SLC35F1: variants seen among roughly 807,000 people sequenced by gnomAD.
SLC35F1 encodes solute carrier family 35 member F1, also known as chromosome 6 open reading frame 169.
Under a neutral mutation model 48.7 loss-of-function variants are expected in SLC35F1, and 14 were observed. The ratio of observed to expected loss-of-function variants is 0.29; its 90% CI spans 0.19 to 0.45. The LOEUF is 0.45. Among genes scored for constraint, SLC35F1 ranks in the 20% least tolerant of loss-of-function variants. SLC35F1 has a pLI of 1.00. For synonymous variants in SLC35F1, 190 were observed against 202.2 expected, an observed-to-expected ratio of 0.94 and a Z score of 0.51; for missense variants, 404 against 500.0, an observed-to-expected ratio of 0.81 and a Z score of 1.83.
At chr6:118,180,478 G>A (rs1774558716) in intron 2 of SLC35F1, among the ~76,000 whole-genome samples, 1 of 151,766 alleles carries the variant, frequency 6.6e-6, no homozygotes, top group South Asian at 2.1e-4. Context: ...TGTATGACAC[G>A]GGAGAAAGAG....
At chr6:118,008,782 A>G (rs1777207522) in intron 1 of SLC35F1, among the ~76,000 whole-genome samples, 1 of 152,352 alleles carries the variant, frequency 6.6e-6, no homozygotes, top group Non-Finnish European at 1.5e-5. Context: ...TTAAAAGTCT[A>G]TCCATTGCTT....
chr6:117,917,399 T>A (rs1775840228), intron 1 of SLC35F1, among the ~76,000 whole-genome samples: 1 of 151,656 alleles, frequency 6.6e-6, no homozygotes, highest in African/African-American at 2.4e-5. Flanking sequence ...GAGAATGGAT[T>A]GCGGGAGAAG....
At chr6:118,199,447 T>C (rs1774844466) in intron 2 of SLC35F1, among the ~76,000 whole-genome samples, 1 of 152,262 alleles carries the variant, frequency 6.6e-6, no homozygotes, top group Non-Finnish European at 1.5e-5. Flanking sequence ...TTCTGTTATA[T>C]GAACGTGTCA....
At chr6:118,037,985 A>G (rs1309207496) in intron 1 of SLC35F1, among the ~76,000 whole-genome samples, 1 of 152,160 alleles carries the variant, frequency 6.6e-6, no homozygotes. Flanking sequence ...ATGTACACCT[A>G]TGTAACAAAC....
chr6:118,159,443 G>A (rs536697240), intron 2 of SLC35F1, among the ~76,000 whole-genome samples: 4 of 152,208 alleles, frequency 2.6e-5, no homozygotes, highest in African/African-American at 9.6e-5. Context: ...CTGAAATAAA[G>A]CCTGAAATCC....
rs1394213675 is a variant in SLC35F1, at chr6:118,216,473, A to AAAAAAG, written c.350-19032_350-19031insAGAAAA. Among the ~76,000 whole-genome samples, 84 of 151,528 alleles carry AAAAAAG rather than the reference A, an allele frequency of 5.5e-4. No homozygotes were observed. The South Asian group carries it at 0.014, about 25-fold the overall frequency. On this transcript the variant is annotated intron_variant, in intron 2 of 7. Transcript: ENST00000360388. The stretch of plus-strand genomic sequence containing the variant: ...TCCCCCTACCCCCACTTCAAAAAAA[A>AAAAAAG]AAAAGAAAAGAAAAGAAAAGAAAGA...
At chr6:117,928,220 A>G (rs1385438999) in intron 1 of SLC35F1, among the ~76,000 whole-genome samples, 1 of 152,174 alleles carries the variant, frequency 6.6e-6, no homozygotes, top group Non-Finnish European at 1.5e-5. Flanking sequence ...GAGAGCGAAT[A>G]TAGAACTGCC....
chr6:118,142,911 A>G (rs1773914064), intron 1 of SLC35F1, among the ~76,000 whole-genome samples: 1 of 152,146 alleles, frequency 6.6e-6, no homozygotes, highest in South Asian at 2.1e-4. Context: ...CAAAGGCCAG[A>G]TATCTTTGTC....
chr6:118,272,535 A>C (rs1030186848), intron 4 of SLC35F1, among the ~76,000 whole-genome samples: 2 of 152,120 alleles, frequency 1.3e-5, no homozygotes, highest in African/African-American at 4.8e-5. Context: ...TTAATATTTT[A>C]TATGTTATTA....
intron 2 of SLC35F1, among the ~76,000 whole-genome samples, chr6:118,204,909 A>C (rs1562324607): frequency 6.6e-6 from 1 of 152,226 alleles, no homozygotes; most frequent in Non-Finnish European, 1.5e-5. Context: ...CGTGCCAAGA[A>C]AAATGGTAAG....
chr6:118,075,951 C>T (rs1341309990), intron 1 of SLC35F1, among the ~76,000 whole-genome samples: 1 of 152,166 alleles, frequency 6.6e-6, no homozygotes, highest in African/African-American at 2.4e-5. Flanking sequence ...TTTGTTTCGA[C>T]ATACAGCTTC....
At chr6:118,211,595 C>T (rs1301599550) in intron 2 of SLC35F1, among the ~76,000 whole-genome samples, 2 of 152,180 alleles carry the variant, frequency 1.3e-5, no homozygotes, top group African/African-American at 2.4e-5. Context: ...AATTGGAGAA[C>T]AACAACCAGG....
At chr6:118,018,059 A>G (rs1231133675) in intron 1 of SLC35F1, among the ~76,000 whole-genome samples, 3 of 152,136 alleles carry the variant, frequency 2.0e-5, no homozygotes, top group Non-Finnish European at 4.4e-5. Context: ...TTGTCTCAAC[A>G]TGTCTCTTAC....
intron 6 of SLC35F1, among the ~76,000 whole-genome samples, chr6:118,280,219 A>G (rs909194246): frequency 6.6e-6 from 1 of 152,216 alleles, no homozygotes; most frequent in Non-Finnish European, 1.5e-5. Flanking sequence ...ACAGCTAAAA[A>G]TACCCTTCTG....
intron 2 of SLC35F1, among the ~76,000 whole-genome samples, chr6:118,232,856 T>C (rs2114579751): frequency 6.6e-6 from 1 of 152,270 alleles, no homozygotes; most frequent in South Asian, 2.1e-4. Context: ...CATTGAAAAT[T>C]AATCATCTAA....
At chr6:118,262,154 G>A (rs900581060) in intron 3 of SLC35F1, among the ~76,000 whole-genome samples, 1 of 152,082 alleles carries the variant, frequency 6.6e-6, no homozygotes, top group Non-Finnish European at 1.5e-5. Context: ...TGTTTGAGGG[G>A]GCTGCGCGCA....
At chr6:118,211,597 A>G (rs879661297) in intron 2 of SLC35F1, among the ~76,000 whole-genome samples, 1 of 152,250 alleles carries the variant, frequency 6.6e-6, no homozygotes, top group Admixed American at 6.5e-5. Context: ...TTGGAGAACA[A>G]CAACCAGGAA....
Position 117,944,004 on chromosome 6 carries a change from G to A in SLC35F1, c.173+36105G>A, listed in dbSNP as rs562874180. Among the ~76,000 whole-genome samples the A allele has an allele frequency of 3.3e-5, 5 of 152,192 alleles. No homozygotes were observed. In the South Asian group the frequency reaches 1.0e-3, roughly 32 times the overall value. ...CATCCATAGATCTGATCTTTTCATG[G>A]GGAATGTGAAGTCTAGCTTTGCAAG... On this transcript the variant is annotated intron_variant, in intron 1 of 7. Coordinates refer to ENST00000360388, the MANE Select transcript of SLC35F1 (RefSeq NM_001029858.4).
chr6:118,022,980 G>C (rs1218467911), intron 1 of SLC35F1, among the ~76,000 whole-genome samples: 1 of 152,010 alleles, frequency 6.6e-6, no homozygotes, highest in Admixed American at 6.5e-5. Context: ...TGATGGTCTC[G>C]ATCTCCTGAT....
Sources: gnomAD v4.1 joint callset for allele counts (sites outside exome capture counted in the v4.1 genomes callset) on GRCh38, gnomAD v4.1.1 for gene constraint, MANE v1.5 for transcripts, NCBI Gene and HGNC (gene_info 2026-07-23, HGNC 2026-07-21) for gene names.